CA10: variants seen among roughly 807,000 people sequenced by gnomAD.
CA10 encodes carbonic anhydrase-related protein 10.
A neutral mutation model predicts 44.2 loss-of-function variants in CA10; 14 were observed. That is an observed-to-expected ratio of 0.32 (90% CI 0.21 to 0.50). The LOEUF (loss-of-function observed/expected upper bound fraction) is 0.50, where lower values mean the gene tolerates loss of function less well. Ranked by LOEUF, CA10 falls within the 20% of genes least tolerant of loss-of-function variation. The pLI is 0.99. For missense variants in CA10, 350 were observed against 409.7 expected (o/e 0.85, Z 1.26); for synonymous variants, 159 against 141.6 (o/e 1.12, Z -0.87).
intron 2 of CA10, among the ~76,000 whole-genome samples, chr17:51,989,355 C>A (rs975997433): frequency 4.6e-5 from 7 of 151,886 alleles, no homozygotes; most frequent in Admixed American, 3.9e-4. Flanking sequence ...TGTGTTGTTC[C>A]CCTGTAAGTG....
At chr17:51,713,608 G>A (rs1031349412) in intron 4 of CA10, among the ~76,000 whole-genome samples, 2 of 152,168 alleles carry the variant, frequency 1.3e-5, no homozygotes, top group African/African-American at 4.8e-5. Flanking sequence ...GGTAGAGTGT[G>A]GGTACAGGCA....
intron 3 of CA10, among the ~76,000 whole-genome samples, chr17:51,808,692 C>T (rs1501255): frequency 0.74 from 112,889 of 152,084 alleles, 42,190 homozygotes; most frequent in East Asian, 0.85. Context: ...TGGAAAGTGC[C>T]TATAATATTG....
intron 4 of CA10, among the ~76,000 whole-genome samples, chr17:51,699,466 A>G (rs1214672837): frequency 6.6e-6 from 1 of 152,126 alleles, no homozygotes; most frequent in African/African-American, 2.4e-5. Context: ...GGAGACACAC[A>G]CAGCCCCCAG....
intron 1 of CA10, among the ~76,000 whole-genome samples, chr17:52,088,174 C>G (rs1988168176): frequency 6.6e-6 from 1 of 152,068 alleles, no homozygotes; most frequent in African/African-American, 2.4e-5. Context: ...AACAAGCCCT[C>G]TTGACACAAG....
intron 2 of CA10, among the ~76,000 whole-genome samples, chr17:51,969,473 T>C (rs1984201015): frequency 6.6e-6 from 1 of 152,046 alleles, no homozygotes; most frequent in Admixed American, 6.6e-5. Context: ...TTTCTTATTT[T>C]CCCTTAATAG....
chr17:52,144,032 A>G (rs192039112), intron 1 of CA10, among the ~76,000 whole-genome samples: 4 of 152,360 alleles, frequency 2.6e-5, no homozygotes, highest in African/African-American at 9.6e-5. Flanking sequence ...ATAGCTCAGC[A>G]TTTAATTATC....
intron 4 of CA10, among the ~76,000 whole-genome samples, chr17:51,721,421 A>G (rs972739585): frequency 1.3e-5 from 2 of 151,894 alleles, no homozygotes; most frequent in African/African-American, 4.8e-5. Context: ...TGCAACCTCT[A>G]CCTCCTAGGT....
At chr17:51,632,406 AT>A (rs2143198577) in intron 8 of CA10, among the ~76,000 whole-genome samples, 1 of 152,316 alleles carries the variant, frequency 6.6e-6, no homozygotes, top group African/African-American at 2.4e-5. Flanking sequence ...TAGTTTGGGC[AT>A]GCAAGTGTAT....
chr17:52,134,422 T>C (rs953286000), intron 1 of CA10, among the ~76,000 whole-genome samples: 5 of 152,186 alleles, frequency 3.3e-5, no homozygotes, highest in African/African-American at 1.2e-4. Flanking sequence ...ACAAGCTTTC[T>C]GTCTTTAACT....
At chr17:51,779,128 T>C (rs1905942319) in intron 3 of CA10, among the ~76,000 whole-genome samples, 1 of 152,032 alleles carries the variant, frequency 6.6e-6, no homozygotes, top group South Asian at 2.1e-4. Context: ...AGAACAGGTG[T>C]TTGGGAGTTG....
intron 3 of CA10, among the ~76,000 whole-genome samples, chr17:51,809,115 C>A (rs1907253650): frequency 6.7e-6 from 1 of 150,296 alleles, no homozygotes; most frequent in African/African-American, 2.5e-5. Flanking sequence ...TACAATGATG[C>A]AAATAAAAGG....
intron 1 of CA10, among the ~76,000 whole-genome samples, chr17:52,117,378 A>T (rs751043829): frequency 3.3e-5 from 5 of 152,272 alleles, no homozygotes; most frequent in Non-Finnish European, 5.9e-5. Flanking sequence ...ATACCTGTTT[A>T]TTGGGCCCTG....
intron 3 of CA10, among the ~76,000 whole-genome samples, chr17:51,775,200 C>T (rs1391569734): frequency 6.6e-6 from 1 of 152,214 alleles, no homozygotes; most frequent in Non-Finnish European, 1.5e-5. Context: ...AAGGCCTGCT[C>T]ACAGAGAGGG....
intron 4 of CA10, among the ~76,000 whole-genome samples, chr17:51,675,977 C>A (rs576292481): frequency 2.3e-4 from 35 of 152,302 alleles, no homozygotes; most frequent in African/African-American, 8.2e-4. Flanking sequence ...ACATGAAGCA[C>A]CGTGATGCTT....
At chr17:52,007,528 T>C (rs1357800490) in intron 2 of CA10, among the ~76,000 whole-genome samples, 1 of 151,618 alleles carries the variant, frequency 6.6e-6, no homozygotes, top group African/African-American at 2.4e-5. Flanking sequence ...AGAATTATAC[T>C]GAGAGATTTT....
In CA10 at chr17:51,653,672, T is replaced by C. The variant is rs1447156700; in HGVS notation, c.530A>G (p.Asn177Ser). Reference protein sequence around the residue: ...TNVTEAAKSPNGLVVVSIFIK... With the variant: ...TNVTEAAKSPSGLVVVSIFIK... ...AAATATAGAAACTACCACCAATCCA[T>C]TTGGACTCTTTGCAGCTTCTGTGAC... Residue 177 changes from asparagine to serine, a missense_variant, in exon 5 of 9, where the codon AAT (asparagine) becomes AGT (serine). Asn to Ser is a conservative substitution (Grantham distance 46). Transcript: ENST00000451037. 1 of 1,607,414 alleles carries C rather than the reference T, an allele frequency of 6.2e-7. No individual in the cohort carries two copies. The highest frequency in any genetic ancestry group is 1.1e-5 in the South Asian group (1 of 90,956).
intron 3 of CA10, among the ~76,000 whole-genome samples, chr17:51,815,982 C>T (rs1907550030): frequency 1.3e-5 from 2 of 151,990 alleles, no homozygotes; most frequent in African/African-American, 4.8e-5. Flanking sequence ...TTTTATTGAC[C>T]AAAGTTACCC....
intron 2 of CA10, among the ~76,000 whole-genome samples, chr17:51,977,747 G>A (rs866480424): frequency 2.7e-4 from 41 of 152,160 alleles, no homozygotes; most frequent in African/African-American, 8.9e-4. Flanking sequence ...AGCCATTGTT[G>A]TTTATAGACA....
At chr17:52,140,437 T>G (rs1429938412) in intron 1 of CA10, among the ~76,000 whole-genome samples, 1 of 152,170 alleles carries the variant, frequency 6.6e-6, no homozygotes, top group Non-Finnish European at 1.5e-5. Flanking sequence ...AATGAATGAG[T>G]GTGGTTGTTT....
Sources: gnomAD v4.1 joint callset for allele counts (sites outside exome capture counted in the v4.1 genomes callset) on GRCh38, gnomAD v4.1.1 for gene constraint, MANE v1.5 for transcripts, NCBI Gene and HGNC (gene_info 2026-07-23, HGNC 2026-07-21) for gene names.